The following NXN variants were observed in gnomAD, a reference collection of about 807,000 sequenced individuals.
The protein encoded by NXN is nucleoredoxin 1.
In NXN, 16 loss-of-function variants were observed where a neutral mutation model predicts 48.6. That is an observed-to-expected ratio of 0.33 (90% CI 0.22 to 0.50). The LOEUF is 0.50. Among genes scored for constraint, NXN ranks in the 20% least tolerant of loss-of-function variants. NXN has a pLI of 0.98. For missense variants in NXN, 492 were observed against 605.5 expected, an observed-to-expected ratio of 0.81 and a Z score of 1.97; for synonymous variants, 281 against 269.6, an observed-to-expected ratio of 1.04 and a Z score of -0.41.
At chr17:876,781 C>T (rs773357049) in intron 1 of NXN, among the ~76,000 whole-genome samples, 1 of 152,112 alleles carries the variant, frequency 6.6e-6, no homozygotes, top group African/African-American at 2.4e-5. Flanking sequence ...CGGGGGCTCA[C>T]GCCTGGAATC....
At position 979,730 on chromosome 17, in the gene NXN, C is replaced by A; in HGVS notation, c.-52G>T. On this transcript the variant is annotated 5_prime_UTR_variant, in exon 1 of 8. Transcript: ENST00000336868. Reference sequence around the variant, plus strand: ...GGCTGCGACCCCGCTCCACGGTCCGCGCGGCGGGAGGAGGCGGCGGCGTCG... The same window carrying A: ...GGCTGCGACCCCGCTCCACGGTCCGAGCGGCGGGAGGAGGCGGCGGCGTCG... 1.6e-6 allele frequency: 2 copies of A among 1,271,716 alleles called. No individual in the cohort carries two copies. Among genetic ancestry groups the A allele is most frequent in the Non-Finnish European group, 2.0e-6 (2 of 1,006,616 alleles). 78.8% of individuals were successfully genotyped at this position (1,271,716 alleles called of 1,614,324 possible). A position where few individuals can be genotyped will look rare whatever the true frequency, so the allele number is the denominator to read the frequency against.
At chr17:852,168 G>A (rs1308384204) in intron 1 of NXN, among the ~76,000 whole-genome samples, 1 of 152,194 alleles carries the variant, frequency 6.6e-6, no homozygotes, top group African/African-American at 2.4e-5. Context: ...GAAGGCTCTT[G>A]GCCAAACAGC....
intron 1 of NXN, among the ~76,000 whole-genome samples, chr17:854,188 G>T (rs146758970): frequency 6.6e-6 from 1 of 152,158 alleles, no homozygotes; most frequent in African/African-American, 2.4e-5. Context: ...AATGAATCTG[G>T]AATAGCTGCT....
intron 1 of NXN, among the ~76,000 whole-genome samples, chr17:916,498 G>A (rs2068690134): frequency 6.6e-6 from 1 of 152,066 alleles, no homozygotes; most frequent in Non-Finnish European, 1.5e-5. Flanking sequence ...AAAAATGAAG[G>A]AGATTTCAGA....
At chr17:807,288 T>C (rs1302075328) in intron 5 of NXN, among the ~76,000 whole-genome samples, 1 of 152,182 alleles carries the variant, frequency 6.6e-6, no homozygotes, top group Admixed American at 6.5e-5. Context: ...TTTCTGAAAT[T>C]GGGCAATTAT....
intron 1 of NXN, among the ~76,000 whole-genome samples, chr17:889,765 GAAAGAAAGAA>G (rs2068395762): frequency 7.4e-6 from 1 of 135,544 alleles, no homozygotes; most frequent in African/African-American, 2.9e-5. Flanking sequence ...GAAAGAAAAA[GAAAGAAAGAA>G]AAGAGAGAGA....
chr17:828,403 CTT>C (rs745596555), intron 1 of NXN, among the ~76,000 whole-genome samples: 38 of 88,796 alleles, frequency 4.3e-4, no homozygotes, highest in Admixed American at 8.0e-4. Flanking sequence ...CGTGCCTGGC[CTT>C]TTTTTTTTTT....
At chr17:829,311 T>A (rs534856236) in intron 1 of NXN, among the ~76,000 whole-genome samples, 5 of 151,884 alleles carry the variant, frequency 3.3e-5, no homozygotes, top group Admixed American at 1.3e-4. Context: ...ATGCACCACC[T>A]TGCCGGCTAA....
At chr17:922,841 C>CG (rs2068761968) in intron 1 of NXN, among the ~76,000 whole-genome samples, 1 of 151,886 alleles carries the variant, frequency 6.6e-6, no homozygotes, top group African/African-American at 2.4e-5. Flanking sequence ...TTAGTAGAGA[C>CG]GGGGTTTCAC....
At chr17:859,809 C>T (rs935240074) in intron 1 of NXN, among the ~76,000 whole-genome samples, 5 of 152,140 alleles carry the variant, frequency 3.3e-5, no homozygotes, top group African/African-American at 9.7e-5. Context: ...CTGTCCTCCA[C>T]GGGGTACTCT....
chr17:805,105 C>T lies in NXN; in HGVS notation c.963G>A (p.Ala321=), dbSNP rs76916305. ...PVLELSDSNA[A]QLNEGPCLVL... ...CGAGGCAGGGGCCCTCGTTAAGCTG[C>T]GCGGCGTTGGAGTCGGAGAGCTCCA... Residue 321 remains alanine (A), a synonymous_variant, in exon 6 of 8, where the codon GCG becomes GCA. Coordinates refer to ENST00000336868, the MANE Select transcript of NXN (RefSeq NM_022463.5). The T allele has an allele frequency of 8.4e-3, 13,555 of 1,608,660 alleles. 748 individuals are homozygous for T. In the African/African-American group the frequency reaches 0.13, roughly 16 times the overall value.
chr17:957,993 G>A (rs910681538), intron 1 of NXN, among the ~76,000 whole-genome samples: 6 of 151,276 alleles, frequency 4.0e-5, no homozygotes, highest in Non-Finnish European at 5.9e-5. Context: ...CACGGAGCAC[G>A]GGCAGCCCCC....
At chr17:829,939 C>A (rs1430760903) in intron 1 of NXN, among the ~76,000 whole-genome samples, 1 of 152,170 alleles carries the variant, frequency 6.6e-6, no homozygotes, top group Admixed American at 6.5e-5. Flanking sequence ...CATACGTGTG[C>A]ATGTGTCTTT....
intron 1 of NXN, chr17:896,749 GTAATAGAACCT>G: frequency 1.5e-6 from 1 of 659,550 alleles, no homozygotes; most frequent in South Asian, 3.1e-5. Context: ...GTTGTTTCTG[GTAATAGAACCT>G]TCTCCTCGAC....
chr17:865,252 T>TG (rs1416442093), intron 1 of NXN, among the ~76,000 whole-genome samples: 1 of 150,674 alleles, frequency 6.6e-6, no homozygotes, highest in Non-Finnish European at 1.5e-5. Context: ...GAGTTACACT[T>TG]TTTTTTTTGA....
intron 1 of NXN, chr17:896,861 G>A (rs1287904887): frequency 9.8e-6 from 11 of 1,125,978 alleles, no homozygotes; most frequent in African/African-American, 5.4e-5. Context: ...CTGACCACCC[G>A]CCCCCGGCCC....
At chr17:953,043 G>A (rs1399762645) in intron 1 of NXN, among the ~76,000 whole-genome samples, 2 of 152,166 alleles carry the variant, frequency 1.3e-5, no homozygotes, top group Non-Finnish European at 2.9e-5. Flanking sequence ...ACCACTTCAA[G>A]GTGGTCCCTG....
chr17:807,793 C>T (rs183587598), intron 5 of NXN, among the ~76,000 whole-genome samples: 10 of 152,406 alleles, frequency 6.6e-5, no homozygotes, highest in South Asian at 6.2e-4. Context: ...CTGGTCCTGA[C>T]GAGCTTGGCC....
Position 978,848 on chromosome 17 carries a change from C to T in NXN, c.360+471G>A, listed in dbSNP as rs1567530725. On this transcript the variant is annotated intron_variant, in intron 1 of 7. Transcript: ENST00000336868. This position sits in a 1 kb window ranked among gnomAD's most constrained non-coding sequence, Gnocchi z 4.1. ...CGGGGGGCGTGCGCCCTCCCCTCCC[C>T]TCCCCTCCCCACTGTGGGAATCCGC... Among the ~76,000 whole-genome samples, 1 of 151,306 alleles carries T rather than the reference C, an allele frequency of 6.6e-6. No individual in the cohort carries two copies. The highest frequency in any genetic ancestry group is 1.5e-5 in the Non-Finnish European group (1 of 67,720).
Sources: allele counts gnomAD v4.1 joint callset (sites outside exome capture counted in the v4.1 genomes callset), GRCh38; gene constraint gnomAD v4.1.1; non-coding constraint Gnocchi (gnomAD v3.1); transcripts MANE v1.5; gene names NCBI Gene and HGNC (gene_info 2026-07-23, HGNC 2026-07-21).